ROBO1: variants seen among roughly 807,000 people sequenced by gnomAD.
ROBO1 encodes roundabout guidance receptor 1, also known as roundabout homolog 1.
Under a neutral mutation model 195.9 loss-of-function variants are expected in ROBO1, and 149 were observed. The ratio of observed to expected loss-of-function variants is 0.76; its 90% CI spans 0.67 to 0.87. The LOEUF is 0.87. Ranked by LOEUF, ROBO1 falls within the 40% of genes least tolerant of loss-of-function variation. ROBO1 has a pLI of 0.00. For missense variants in ROBO1, 1,933 were observed against 2,068.3 expected, an observed-to-expected ratio of 0.93 and a Z score of 1.27; for synonymous variants, 816 against 733.2, an observed-to-expected ratio of 1.11 and a Z score of -1.82.
chr3:79,471,623 A>G (rs189505144), intron 2 of ROBO1, among the ~76,000 whole-genome samples: 1 of 152,220 alleles, frequency 6.6e-6, no homozygotes, highest in East Asian at 1.9e-4. Context: ...AAAATTTCAA[A>G]TTTTCTTTGA....
chr3:79,602,887 TA>T (rs1944378398), intron 1 of ROBO1, among the ~76,000 whole-genome samples: 1 of 152,080 alleles, frequency 6.6e-6, no homozygotes, highest in Admixed American at 6.6e-5. Flanking sequence ...TAGTATTTTG[TA>T]GAAAAAAGCA....
At chr3:79,185,166 CT>C (rs1406054419) in intron 2 of ROBO1, among the ~76,000 whole-genome samples, 3 of 152,146 alleles carry the variant, frequency 2.0e-5, no homozygotes, top group Non-Finnish European at 4.4e-5. Context: ...AAAATAACTA[CT>C]AACCCGATCT....
At position 79,738,720 on chromosome 3, in the gene ROBO1, A is replaced by G. The variant is rs1011214424; in HGVS notation, c.-51+29032T>C. ...TGATATTTTTCCACCAAGTCTTATA[A>G]GAAAATACTAAGGCTACTGCATTGT... is the stretch of plus-strand genomic sequence containing the variant. On this transcript the variant is annotated intron_variant, in intron 1 of 30. Coordinates refer to ENST00000464233, the MANE Select transcript of ROBO1 (RefSeq NM_002941.4). Among the ~76,000 whole-genome samples, 4 of 152,212 alleles carry G rather than the reference A, an allele frequency of 2.6e-5. 1 individual carries two copies. In the South Asian group the frequency reaches 8.3e-4, roughly 32 times the overall value.
At chr3:79,413,002 A>C (rs1425113367) in intron 2 of ROBO1, among the ~76,000 whole-genome samples, 2 of 149,220 alleles carry the variant, frequency 1.3e-5, no homozygotes. Flanking sequence ...TACTAGAACA[A>C]CATTAGTTTA....
chr3:79,589,468 C>T (rs925925891), intron 2 of ROBO1, among the ~76,000 whole-genome samples: 6 of 151,496 alleles, frequency 4.0e-5, no homozygotes, highest in African/African-American at 1.5e-4. Flanking sequence ...TCTATGGTAC[C>T]GACATGCACT....
chr3:79,497,163 C>G (rs996267433), intron 2 of ROBO1, among the ~76,000 whole-genome samples: 1 of 152,132 alleles, frequency 6.6e-6, no homozygotes, highest in South Asian at 2.1e-4. Flanking sequence ...AAGTTTCAAG[C>G]AGATTCTATT....
chr3:79,513,545 C>A (rs1940813227), intron 2 of ROBO1, among the ~76,000 whole-genome samples: 1 of 152,030 alleles, frequency 6.6e-6, no homozygotes, highest in African/African-American at 2.4e-5. Flanking sequence ...CTAGTAAATT[C>A]ACAAGACTCA....
At chr3:78,923,755 G>A (rs1368584791) in intron 4 of ROBO1, among the ~76,000 whole-genome samples, 1 of 152,068 alleles carries the variant, frequency 6.6e-6, no homozygotes, top group East Asian at 1.9e-4. Flanking sequence ...AGCTTCAGTG[G>A]AGCAACAGCT....
chr3:78,707,168 T>C (rs1305016233), intron 8 of ROBO1, among the ~76,000 whole-genome samples: 1 of 152,144 alleles, frequency 6.6e-6, no homozygotes, highest in Admixed American at 6.5e-5. Context: ...GTCCTAGATA[T>C]TCCAGCAAAG....
intron 4 of ROBO1, among the ~76,000 whole-genome samples, chr3:78,911,389 A>C (rs2038231376): frequency 1.3e-5 from 2 of 152,184 alleles, no homozygotes; most frequent in Admixed American, 6.6e-5. Context: ...TGAGTGGTTA[A>C]GTTTTAAAAA....
intron 2 of ROBO1, among the ~76,000 whole-genome samples, chr3:79,205,615 G>A (rs2081853196): frequency 6.6e-6 from 1 of 152,140 alleles, no homozygotes; most frequent in Non-Finnish European, 1.5e-5. Flanking sequence ...CTCTTGGCAT[G>A]TATTTTGCAG....
At chr3:79,521,978 A>G (rs548821583) in intron 2 of ROBO1, among the ~76,000 whole-genome samples, 14 of 152,316 alleles carry the variant, frequency 9.2e-5, no homozygotes, top group African/African-American at 2.9e-4. Flanking sequence ...ACTGTATGCT[A>G]TAATCCAAAG....
At chr3:78,628,574 A>G (rs560853370) in intron 25 of ROBO1, among the ~76,000 whole-genome samples, 1 of 152,314 alleles carries the variant, frequency 6.6e-6, no homozygotes, top group South Asian at 2.1e-4. Flanking sequence ...TACATTATAT[A>G]AACTGTGGAC....
At chr3:78,942,913 A>G (rs1226373047) in intron 3 of ROBO1, among the ~76,000 whole-genome samples, 1 of 152,044 alleles carries the variant, frequency 6.6e-6, no homozygotes, top group Non-Finnish European at 1.5e-5. Flanking sequence ...CCCCATCTCT[A>G]AAAAGTTTAT....
At chr3:78,661,849 C>A in intron 15 of ROBO1, 144 bp downstream of exon 15, 1 of 996,062 alleles carries the variant, frequency 1.0e-6, no homozygotes, top group South Asian at 1.9e-5. Flanking sequence ...TTAAACCAAA[C>A]TAATAGCTAC....
In ROBO1 at chr3:79,515,671, T is replaced by C. The variant is rs565104518; in HGVS notation, c.88+74153A>G. Among the ~76,000 whole-genome samples the C allele has an allele frequency of 4.6e-5, 7 of 152,326 alleles. No individual in the cohort carries two copies. The South Asian group carries it at 1.0e-3, about 23-fold the overall frequency. On this transcript the variant is annotated intron_variant, in intron 2 of 30. Transcript: ENST00000464233. ...TGTACAATTTATATGTTCAAAACACTATATCCAAGTATTTGTCCTATTCAA... is the reference window on the plus strand; with the variant it reads ...TGTACAATTTATATGTTCAAAACACCATATCCAAGTATTTGTCCTATTCAA...
intron 3 of ROBO1, among the ~76,000 whole-genome samples, chr3:79,060,927 T>G (rs565997139): frequency 1.3e-5 from 2 of 152,176 alleles, no homozygotes; most frequent in African/African-American, 4.8e-5. Flanking sequence ...GCATTCCCTT[T>G]GAAAACTGGC....
intron 2 of ROBO1, among the ~76,000 whole-genome samples, chr3:79,327,562 G>A (rs944703273): frequency 6.6e-6 from 1 of 151,750 alleles, no homozygotes; most frequent in African/African-American, 2.4e-5. Flanking sequence ...TTTTATAACT[G>A]AAGATAGATT....
At chr3:79,766,572 G>C (rs11715489) in intron 1 of ROBO1, among the ~76,000 whole-genome samples, 11,889 of 151,862 alleles carry the variant, frequency 0.078, 550 homozygotes, top group Non-Finnish European at 0.11. Context: ...CTGCAGCGCC[G>C]CTGCCCCGGG....
Sources: gnomAD v4.1 joint callset for allele counts (sites outside exome capture counted in the v4.1 genomes callset) on GRCh38, gnomAD v4.1.1 for gene constraint, MANE v1.5 for transcripts, NCBI Gene and HGNC (gene_info 2026-07-23, HGNC 2026-07-21) for gene names.